The following IARS1 variants were observed in gnomAD, a reference collection of about 807,000 sequenced individuals.
IARS1 encodes the protein isoleucine--tRNA ligase, cytoplasmic.
Under a neutral mutation model 168.2 loss-of-function variants are expected in IARS1, and 124 were observed. That is an observed-to-expected ratio of 0.74 (90% CI 0.64 to 0.86). IARS1 has a LOEUF of 0.86. IARS1 is among the 40% of genes least tolerant of loss of function. IARS1 has a pLI of 0.00. For synonymous variants in IARS1, 532 were observed against 529.4 expected, an observed-to-expected ratio of 1.00 and a Z score of -0.07; for missense variants, 1,452 against 1,515.8, an observed-to-expected ratio of 0.96 and a Z score of 0.70.
At position 92,274,481 on chromosome 9, in the gene IARS1, T is replaced by C. The variant is rs1202345937; in HGVS notation, c.935A>G (p.Tyr312Cys). The C allele has an allele frequency of 3.1e-6, 5 of 1,613,966 alleles. No homozygotes were observed. The highest frequency in any genetic ancestry group is 1.1e-5 in the South Asian group (1 of 91,078). The change falls in exon 10 of 34, where the codon TAT becomes TGT. Residue 312 changes from tyrosine to cysteine, a missense_variant. By Grantham distance (194) the Tyr-to-Cys change is radical. Coordinates refer to ENST00000443024, the MANE Select transcript of IARS1 (RefSeq NM_002161.6). Reference sequence around the variant, plus strand: ...CCCTGTGCCTTCTTCTTCCTTCACATAGTTGTCAACAAGCACAGTGAAAGC... The same window carrying C: ...CCCTGTGCCTTCTTCTTCCTTCACACAGTTGTCAACAAGCACAGTGAAAGC... The part of the protein sequence containing the change: ...NGAFTVLVDN[Y>C]VKEEEGTGVV...
chr9:92,291,727 T>C (rs561991678), intron 1 of IARS1, among the ~76,000 whole-genome samples: 1 of 152,362 alleles, frequency 6.6e-6, no homozygotes, highest in South Asian at 2.1e-4. Flanking sequence ...ATGGGATTGT[T>C]ATCTGAAGAC....
At chr9:92,228,540 T>G (rs1222074204) in intron 31 of IARS1, among the ~76,000 whole-genome samples, 1 of 150,096 alleles carries the variant, frequency 6.7e-6, no homozygotes, top group African/African-American at 2.5e-5. Context: ...ACTGACTTGG[T>G]CTCTCCAAAA....
At chr9:92,261,505 T>C (rs1247009926) in intron 17 of IARS1, among the ~76,000 whole-genome samples, 2 of 152,164 alleles carry the variant, frequency 1.3e-5, no homozygotes. Context: ...TTCAGTAACC[T>C]GACTGTGCTG....
At chr9:92,261,865 C>T (rs957234524) in intron 17 of IARS1, among the ~76,000 whole-genome samples, 8 of 151,916 alleles carry the variant, frequency 5.3e-5, no homozygotes, top group African/African-American at 1.9e-4. Flanking sequence ...ATTCTTGTGC[C>T]TCAGCCTCCC....
intron 33 of IARS1, among the ~76,000 whole-genome samples, chr9:92,221,858 T>C (rs548964633): frequency 4.6e-5 from 7 of 152,338 alleles, no homozygotes; most frequent in African/African-American, 1.7e-4. Context: ...AAGGCTGTAA[T>C]GTCAGGCTAT....
At chr9:92,227,408 G>A (rs1328341019) in intron 31 of IARS1, among the ~76,000 whole-genome samples, 12 of 140,794 alleles carry the variant, frequency 8.5e-5, no homozygotes, top group African/African-American at 1.9e-4. Flanking sequence ...CTCACCTCCC[G>A]GACAGGGCGG....
At chr9:92,260,106 A>C in intron 18 of IARS1, 45 bp downstream of exon 18, 1 of 1,331,718 alleles carries the variant, frequency 7.5e-7, no homozygotes, top group Non-Finnish European at 1.1e-6. Flanking sequence ...AGATGCTTAC[A>C]TAAAAAAACA....
rs542049669 is a variant in IARS1, at chr9:92,286,501, A to G, written c.479+35T>C. 3.7e-5 allele frequency: 42 copies of G among 1,123,546 alleles called. No homozygotes were observed. The Admixed American group carries it at 7.4e-4, about 20-fold the overall frequency. The allele number at this position is 1,123,546 out of a possible 1,614,324, so 69.6% of individuals were successfully genotyped here. A position where few individuals can be genotyped will look rare whatever the true frequency, so the allele number is the denominator to read the frequency against. On this transcript the variant is annotated intron_variant, in intron 5 of 33. Coordinates refer to ENST00000443024, the MANE Select transcript of IARS1 (RefSeq NM_002161.6). Reference sequence around the variant, plus strand: ...CCAATTATCAATACAACAGAATAGAATATTTACCATATTTACAATTTTAAA... The same window carrying G: ...CCAATTATCAATACAACAGAATAGAGTATTTACCATATTTACAATTTTAAA...
Position 92,269,951 on chromosome 9 carries a change from G to A in IARS1, c.1238C>T (p.Pro413Leu). 6.2e-7 allele frequency: 1 copy of A among 1,613,666 alleles called. No homozygotes were observed. Among genetic ancestry groups the A allele is most frequent in the Non-Finnish European group, 8.5e-7 (1 of 1,179,654 alleles). ...GTTCTCCACTCGCACAAACCAGCTG[G>A]GCACTGCTTTGTAAATTAGAGGAGT... ...SDTPLIYKAV[P>L]SWFVRVENMV... Residue 413 changes from proline to leucine, a missense_variant, in exon 13 of 34, where the codon CCC (proline) becomes CTC (leucine). Physicochemically the swap from Pro to Leu is moderately conservative, Grantham distance 98. Transcript: ENST00000443024.
chr9:92,225,250 G>A (rs1300721535), intron 31 of IARS1, among the ~76,000 whole-genome samples: 1 of 152,318 alleles, frequency 6.6e-6, no homozygotes, highest in Non-Finnish European at 1.5e-5. Context: ...GGTAGAGAAT[G>A]TCTTATTTAC....
At chr9:92,260,335 A>C (rs1420262754) in intron 17 of IARS1, 101 bp from the exon 18 acceptor site, 1 of 854,762 alleles carries the variant, frequency 1.2e-6, no homozygotes, top group Non-Finnish European at 2.0e-6. Context: ...TACAAAATGA[A>C]ATGGGAAGGA....
At chr9:92,239,853 G>A (rs181046309) in intron 30 of IARS1, among the ~76,000 whole-genome samples, 1 of 152,224 alleles carries the variant, frequency 6.6e-6, no homozygotes, top group Non-Finnish European at 1.5e-5. Context: ...TGGTGGTGGG[G>A]CCATAGTTTT....
chr9:92,284,125 C>T (rs979042104), intron 6 of IARS1, among the ~76,000 whole-genome samples: 6 of 152,098 alleles, frequency 3.9e-5, no homozygotes, highest in Non-Finnish European at 5.9e-5. Flanking sequence ...TGTGGTTAGC[C>T]GAGATCGTGC....
intron 30 of IARS1, among the ~76,000 whole-genome samples, chr9:92,232,398 A>G (rs1413538481): frequency 3.3e-5 from 5 of 152,252 alleles, no homozygotes. Context: ...TGTGACAGTT[A>G]TAACTAGAAT....
chr9:92,248,240 A>G (rs1374872977), intron 25 of IARS1, among the ~76,000 whole-genome samples: 1 of 152,230 alleles, frequency 6.6e-6, no homozygotes, highest in Non-Finnish European at 1.5e-5. Flanking sequence ...ACTGAGGATT[A>G]CTGATGCGGC....
intron 31 of IARS1, among the ~76,000 whole-genome samples, chr9:92,224,092 T>C (rs1825249187): frequency 1.3e-5 from 2 of 152,214 alleles, no homozygotes; most frequent in South Asian, 4.1e-4. Context: ...CACCAGTGGC[T>C]AGATGCTCAT....
At chr9:92,217,130 C>T (rs1363335699) in intron 33 of IARS1, among the ~76,000 whole-genome samples, 34 of 151,026 alleles carry the variant, frequency 2.3e-4, no homozygotes, top group Middle Eastern at 3.4e-3. Context: ...CACTCAAAAC[C>T]GCTCAACTAC....
chr9:92,288,281 AT>A lies in IARS1; in HGVS notation c.120del (p.Lys40AsnfsTer28). On this transcript the variant is annotated frameshift_variant and splice_region_variant, in exon 3 of 34. Transcript: ENST00000443024. LOFTEE classifies it high-confidence loss of function. ...ECLKQSKHKP[K>X]FTFYDGPPFA... ...AAAGGAGGACCATCATAGAAGGTAAATCTAACAGGTAATAAAAATATATCAA... is the reference window on the plus strand; with the variant it reads ...AAAGGAGGACCATCATAGAAGGTAAACTAACAGGTAATAAAAATATATCAA... The A allele has an allele frequency of 1.2e-6, 2 of 1,613,944 alleles. No homozygotes were observed. Among genetic ancestry groups the A allele is most frequent in the Non-Finnish European group, 1.7e-6 (2 of 1,179,876 alleles).
chr9:92,249,914 G>A lies in IARS1; in HGVS notation c.2560C>T (p.His854Tyr). The change falls in exon 25 of 34, where the codon CAT (histidine) becomes TAT (tyrosine). Residue 854 changes from histidine to tyrosine, a missense_variant. His to Tyr is a moderately conservative substitution (Grantham distance 83). Transcript: ENST00000443024. ...KYPLKEIVVIHQDPEALKDIK... is the reference protein window; with the variant it reads ...KYPLKEIVVIYQDPEALKDIK... ...TCTTTAAGAGCTTCTGGATCTTGATGGATAACCACAATTTCTTTCAAAGGA... is the reference window on the plus strand; with the variant it reads ...TCTTTAAGAGCTTCTGGATCTTGATAGATAACCACAATTTCTTTCAAAGGA... 1 of 1,605,558 alleles carries A rather than the reference G, an allele frequency of 6.2e-7. No individual in the cohort carries two copies. Among genetic ancestry groups the A allele is most frequent in the Non-Finnish European group, 8.5e-7 (1 of 1,172,590 alleles).
Sources: gnomAD v4.1 joint callset for allele counts (sites outside exome capture counted in the v4.1 genomes callset) on GRCh38, gnomAD v4.1.1 for gene constraint, MANE v1.5 for transcripts, NCBI Gene and HGNC (gene_info 2026-07-23, HGNC 2026-07-21) for gene names.